Variants in GRM5 observed in about 807,000 individuals in gnomAD.
The protein encoded by GRM5 is metabotropic glutamate receptor 5.
In GRM5, 19 loss-of-function variants were observed where a neutral mutation model predicts 83.1. That is an observed-to-expected ratio of 0.23 (90% CI 0.16 to 0.34). The LOEUF is 0.34. Ranked by LOEUF, GRM5 falls within the 10% of genes least tolerant of loss-of-function variation. The probability of loss-of-function intolerance (pLI) is 1.00; values close to 1 mark genes in which losing one functional copy is unlikely to be tolerated. For missense variants in GRM5, 1,160 were observed against 1,588.3 expected (o/e 0.73, Z 4.58); for synonymous variants, 675 against 633.6 (o/e 1.07, Z -0.98).
At chr11:88,897,004 C>T (rs1484041500) in intron 2 of GRM5, among the ~76,000 whole-genome samples, 1 of 151,914 alleles carries the variant, frequency 6.6e-6, no homozygotes, top group Non-Finnish European at 1.5e-5. Flanking sequence ...ATCACAGACC[C>T]TGAACTCCAG....
At chr11:88,964,202 C>G (rs1302331159) in intron 2 of GRM5, among the ~76,000 whole-genome samples, 1 of 151,972 alleles carries the variant, frequency 6.6e-6, no homozygotes, top group Admixed American at 6.6e-5. Context: ...AATATGGCAC[C>G]AAGTGTTTTT....
At chr11:88,659,105 C>G (rs528545543) in intron 3 of GRM5, among the ~76,000 whole-genome samples, 225 of 152,174 alleles carry the variant, frequency 1.5e-3, no homozygotes, top group Non-Finnish European at 2.2e-3. Flanking sequence ...AATGAAGAGC[C>G]ATATTTATAA....
At chr11:88,917,089 C>CA (rs1945608552) in intron 2 of GRM5, among the ~76,000 whole-genome samples, 1 of 152,196 alleles carries the variant, frequency 6.6e-6, no homozygotes, top group African/African-American at 2.4e-5. Flanking sequence ...CAATGGTAGT[C>CA]ACAGGAGGGC....
chr11:88,535,818 C>A (rs748471106), intron 8 of GRM5, among the ~76,000 whole-genome samples: 1 of 152,104 alleles, frequency 6.6e-6, no homozygotes, highest in Non-Finnish European at 1.5e-5. Context: ...GAAGTTACTA[C>A]TAACAAATAC....
chr11:88,669,086 C>A (rs578021853), intron 3 of GRM5, among the ~76,000 whole-genome samples: 1 of 152,138 alleles, frequency 6.6e-6, no homozygotes, highest in East Asian at 1.9e-4. Flanking sequence ...GATATATACA[C>A]CCTCATGTTC....
intron 3 of GRM5, among the ~76,000 whole-genome samples, chr11:88,670,185 T>C (rs975975667): frequency 2.6e-5 from 4 of 152,048 alleles, no homozygotes; most frequent in African/African-American, 4.8e-5. Context: ...AGGTGAATCA[T>C]ATGTCTTTAT....
intron 2 of GRM5, among the ~76,000 whole-genome samples, chr11:89,000,956 C>A (rs1369904563): frequency 6.9e-6 from 1 of 144,440 alleles, no homozygotes; most frequent in African/African-American, 2.4e-5. Flanking sequence ...AAAATTCCAA[C>A]ATTATTGGCC....
At chr11:88,718,513 T>C (rs1941450367) in intron 3 of GRM5, among the ~76,000 whole-genome samples, 1 of 152,024 alleles carries the variant, frequency 6.6e-6, no homozygotes, top group South Asian at 2.1e-4. Flanking sequence ...TGTATTCATA[T>C]ATTACTTATA....
intron 2 of GRM5, among the ~76,000 whole-genome samples, chr11:89,039,270 A>G (rs1289795150): frequency 1.8e-4 from 4 of 22,458 alleles, no homozygotes; most frequent in Admixed American, 8.1e-4. Flanking sequence ...GTTTCAAAAT[A>G]AAAAAAAAAT....
At chr11:88,623,487 G>A (rs1938702453) in intron 4 of GRM5, among the ~76,000 whole-genome samples, 2 of 152,122 alleles carry the variant, frequency 1.3e-5, no homozygotes, top group Admixed American at 1.3e-4. Flanking sequence ...CTTCATGATT[G>A]GGCTGCATAG....
chr11:88,904,913 C>T (rs919798919), intron 2 of GRM5, among the ~76,000 whole-genome samples: 1 of 152,034 alleles, frequency 6.6e-6, no homozygotes, highest in African/African-American at 2.4e-5. Flanking sequence ...ATTTGTTAAC[C>T]ATCTAAGATT....
intron 2 of GRM5, among the ~76,000 whole-genome samples, chr11:88,918,139 T>A (rs1435793995): frequency 6.6e-6 from 1 of 151,192 alleles, no homozygotes; most frequent in Non-Finnish European, 1.5e-5. Context: ...AGACTTAAAG[T>A]CTTGACCTTA....
chr11:88,574,985 C>CTTTTT (rs796257304), intron 7 of GRM5, among the ~76,000 whole-genome samples: 2,524 of 115,786 alleles, frequency 0.022, 47 homozygotes, highest in African/African-American at 0.076. Context: ...CTTTTCTTTT[C>CTTTTT]TTTTTTTTTT....
chr11:88,625,154 G>T (rs2135262755), intron 4 of GRM5, among the ~76,000 whole-genome samples: 1 of 152,190 alleles, frequency 6.6e-6, no homozygotes, highest in South Asian at 2.1e-4. Context: ...AGTAAGATTT[G>T]GCAGCTCTAC....
chr11:88,880,540 A>T (rs953990435), intron 2 of GRM5, among the ~76,000 whole-genome samples: 3 of 152,150 alleles, frequency 2.0e-5, no homozygotes, highest in African/African-American at 7.2e-5. Flanking sequence ...ACAACCCTGG[A>T]ATACAATTCT....
At chr11:88,667,970 A>G (rs1940087813) in intron 3 of GRM5, among the ~76,000 whole-genome samples, 1 of 152,170 alleles carries the variant, frequency 6.6e-6, no homozygotes, top group African/African-American at 2.4e-5. Flanking sequence ...ATGAACATTT[A>G]TGAACACTTG....
intron 2 of GRM5, among the ~76,000 whole-genome samples, chr11:88,885,583 A>G (rs1183237946): frequency 6.6e-6 from 1 of 151,192 alleles, no homozygotes; most frequent in Non-Finnish European, 1.5e-5. Context: ...CAGCTCCAGT[A>G]AGAGAAACAA....
intron 7 of GRM5, among the ~76,000 whole-genome samples, chr11:88,577,964 G>A (rs1330920233): frequency 6.6e-6 from 1 of 152,048 alleles, no homozygotes; most frequent in Non-Finnish European, 1.5e-5. Context: ...TTGGACAGTG[G>A]CATAATAATT....
At chr11:88,620,993 A>G (rs1167600363) in intron 4 of GRM5, among the ~76,000 whole-genome samples, 1 of 152,206 alleles carries the variant, frequency 6.6e-6, no homozygotes, top group Non-Finnish European at 1.5e-5. Flanking sequence ...TTAAATTTAA[A>G]TGATTCACCA....
Sources: allele counts gnomAD v4.1 joint callset (sites outside exome capture counted in the v4.1 genomes callset), GRCh38; gene constraint gnomAD v4.1.1; transcripts MANE v1.5; gene names NCBI Gene and HGNC (gene_info 2026-07-23, HGNC 2026-07-21).